The following NBAS variants were observed in gnomAD, a reference collection of about 807,000 sequenced individuals.
The protein encoded by NBAS is NBAS subunit of NRZ tethering complex.
Under a neutral mutation model 302.5 loss-of-function variants are expected in NBAS, and 219 were observed. The ratio of observed to expected loss-of-function variants is 0.72; its 90% CI spans 0.65 to 0.81. NBAS has a LOEUF of 0.81. NBAS is among the 30% of genes least tolerant of loss of function. NBAS has a pLI of 0.00. For missense variants in NBAS, 2,932 were observed against 2,841.6 expected (o/e 1.03, Z -0.72); for synonymous variants, 1,118 against 1,021.6 (o/e 1.09, Z -1.80).
At chr2:15,244,645 C>T (rs144601529) in intron 44 of NBAS, among the ~76,000 whole-genome samples, 1 of 152,058 alleles carries the variant, frequency 6.6e-6, no homozygotes, top group Non-Finnish European at 1.5e-5. Context: ...GAGGATTTGT[C>T]CATTTGGTTC....
chr2:14,827,710 T>C, the NBAS span, among the ~76,000 whole-genome samples: 1 of 152,146 alleles, frequency 6.6e-6, no homozygotes, highest in Non-Finnish European at 1.5e-5. Context: ...AAAGGACAAA[T>C]ACTGAATGCT....
chr2:15,040,729 C>T, the NBAS span, among the ~76,000 whole-genome samples: 1 of 152,088 alleles, frequency 6.6e-6, no homozygotes. Context: ...CCACCCTTGC[C>T]CTTGGTCCAG....
rs1266418223 is a variant in NBAS, at chr2:15,475,875, C to T, written c.1153G>A (p.Glu385Lys). ...TEKRKKIKDK[E>K]SFYPLIDVNW... is the part of the protein sequence containing the mutation. ...ACATCTATCAGTGGGTAAAAGGACT[C>T]TTTATCTAAGAAGCGAAAAACAAAT... is the stretch of plus-strand genomic sequence containing the variant. Residue 385 changes from glutamate to lysine, a missense_variant, in exon 14 of 52, where the codon GAG becomes AAG. Transcript: ENST00000281513. 1 of 1,612,180 alleles carries T rather than the reference C, an allele frequency of 6.2e-7. No individual in the cohort carries two copies. The highest frequency in any genetic ancestry group is 1.3e-5 in the African/African-American group (1 of 74,826).
chr2:14,984,264 T>C, the NBAS span, among the ~76,000 whole-genome samples: 1 of 152,190 alleles, frequency 6.6e-6, no homozygotes, highest in South Asian at 2.1e-4. Flanking sequence ...CCCCTACCCT[T>C]CCTAGATTCA....
the NBAS span, among the ~76,000 whole-genome samples, chr2:15,120,283 A>T: frequency 6.6e-6 from 1 of 152,130 alleles, no homozygotes; most frequent in Non-Finnish European, 1.5e-5. Flanking sequence ...TTGGTTGGTA[A>T]ATTCTTTATT....
chr2:14,780,423 T>C, the NBAS span, among the ~76,000 whole-genome samples: 1 of 152,244 alleles, frequency 6.6e-6, no homozygotes, highest in South Asian at 2.1e-4. Context: ...GAGGCGATCA[T>C]GCTCAGTCCC....
intron 10 of NBAS, among the ~76,000 whole-genome samples, chr2:15,509,305 AT>A (rs1462585641): frequency 6.6e-6 from 1 of 152,118 alleles, no homozygotes; most frequent in African/African-American, 2.4e-5. Context: ...TAGGCTCCTT[AT>A]TTGTGAAATG....
At chr2:15,227,197 A>G (rs1667183165) in intron 47 of NBAS, among the ~76,000 whole-genome samples, 1 of 152,230 alleles carries the variant, frequency 6.6e-6, no homozygotes, top group Non-Finnish European at 1.5e-5. Context: ...AAAAATCAGT[A>G]GCATTTCTAT....
At chr2:15,070,000 C>CG in the NBAS span, among the ~76,000 whole-genome samples, 12 of 151,866 alleles carry the variant, frequency 7.9e-5, no homozygotes, top group Non-Finnish European at 1.6e-4. Flanking sequence ...TCAGAACCCC[C>CG]CCACCATGAG....
intron 44 of NBAS, among the ~76,000 whole-genome samples, chr2:15,267,912 T>C (rs1257976815): frequency 6.6e-6 from 1 of 152,226 alleles, no homozygotes; most frequent in Non-Finnish European, 1.5e-5. Flanking sequence ...ACTTTGGCCT[T>C]AATGACAGTA....
At chr2:15,473,972 TTGAAATTTTCTCCTTTATTAAAAAATTA>T in intron 15 of NBAS, 67 bp downstream of exon 15, 1 of 1,484,218 alleles carries the variant, frequency 6.7e-7, no homozygotes, top group Non-Finnish European at 9.3e-7. Context: ...AACATCCCTC[TTGAAATTTTCTCCTTTATTAAAAAATTA>T]ACTTTTTCTC....
the NBAS span, among the ~76,000 whole-genome samples, chr2:14,954,332 G>A: frequency 2.6e-5 from 4 of 152,258 alleles, no homozygotes; most frequent in African/African-American, 7.2e-5. Flanking sequence ...ATGCCTGCAC[G>A]GGGGAATCAA....
chr2:14,818,122 T>G, the NBAS span, among the ~76,000 whole-genome samples: 1 of 152,110 alleles, frequency 6.6e-6, no homozygotes, highest in Admixed American at 6.5e-5. Flanking sequence ...TCCATCTGTT[T>G]GGGAGTATCT....
intron 31 of NBAS, among the ~76,000 whole-genome samples, chr2:15,369,770 A>C (rs1429977532): frequency 6.6e-6 from 1 of 152,226 alleles, no homozygotes; most frequent in Non-Finnish European, 1.5e-5. Flanking sequence ...GAAATCATGA[A>C]TATATCTCAA....
chr2:15,403,274 G>A (rs1236130531), intron 25 of NBAS, among the ~76,000 whole-genome samples: 1 of 152,098 alleles, frequency 6.6e-6, no homozygotes, highest in Non-Finnish European at 1.5e-5. Flanking sequence ...ATCAATGGAC[G>A]TAAAAAAGAA....
chr2:15,087,802 C>T, the NBAS span, among the ~76,000 whole-genome samples: 3 of 152,196 alleles, frequency 2.0e-5, no homozygotes, highest in Non-Finnish European at 4.4e-5. Flanking sequence ...TTTAGCTTTT[C>T]CTTCATTGAC....
At chr2:15,466,802 T>C (rs1234731423) in intron 19 of NBAS, among the ~76,000 whole-genome samples, 4 of 152,164 alleles carry the variant, frequency 2.6e-5, no homozygotes, top group Admixed American at 6.5e-5. Context: ...CCATGTGTGG[T>C]GGCATGTGCC....
chr2:15,248,554 T>C (rs1668211831), intron 44 of NBAS, among the ~76,000 whole-genome samples: 1 of 152,118 alleles, frequency 6.6e-6, no homozygotes, highest in South Asian at 2.1e-4. Context: ...ACAAAATTGA[T>C]AGACCACTAG....
chr2:15,466,885 T>A (rs949153319), intron 19 of NBAS, among the ~76,000 whole-genome samples: 1 of 148,452 alleles, frequency 6.7e-6, no homozygotes, highest in South Asian at 2.1e-4. Context: ...TGCAGTGAGC[T>A]GAGATCATGC....
Sources: gnomAD v4.1 joint callset for allele counts (sites outside exome capture counted in the v4.1 genomes callset) on GRCh38, gnomAD v4.1.1 for gene constraint, MANE v1.5 for transcripts, NCBI Gene and HGNC (gene_info 2026-07-23, HGNC 2026-07-21) for gene names.